MED15: variants seen among roughly 807,000 people sequenced by gnomAD.
MED15 encodes the protein mediator of RNA polymerase II transcription subunit 15.
In MED15, 41 loss-of-function variants were observed where a neutral mutation model predicts 118.7. That is an observed-to-expected ratio of 0.35 (90% CI 0.27 to 0.45). The LOEUF (loss-of-function observed/expected upper bound fraction) is 0.45. Ranked by LOEUF, MED15 falls within the 20% of genes least tolerant of loss-of-function variation. The pLI is 1.00. For synonymous variants in MED15, 436 were observed against 413.9 expected (o/e 1.05, Z -0.65); for missense variants, 740 against 1,025.5 (o/e 0.72, Z 3.80).
At chr22:20,532,004 C>T (rs887186271) in intron 1 of MED15, among the ~76,000 whole-genome samples, 3 of 152,318 alleles carry the variant, frequency 2.0e-5, no homozygotes, top group East Asian at 1.9e-4. Context: ...GGAGCAGGCT[C>T]CTCAGTGGGC....
chr22:20,536,131 C>A (rs1264876020), intron 1 of MED15, among the ~76,000 whole-genome samples: 2 of 152,168 alleles, frequency 1.3e-5, no homozygotes, highest in Non-Finnish European at 2.9e-5. Context: ...CCGCCTCGGC[C>A]TCCCAAAGTG....
At chr22:20,544,382 T>C (rs148996496) in intron 2 of MED15, among the ~76,000 whole-genome samples, 6 of 152,310 alleles carry the variant, frequency 3.9e-5, no homozygotes, top group African/African-American at 1.4e-4. Flanking sequence ...AACAGAAATT[T>C]AGGCCGGGTG....
chr22:20,520,752 T>C (rs1352305368), intron 1 of MED15, among the ~76,000 whole-genome samples: 1 of 152,110 alleles, frequency 6.6e-6, no homozygotes, highest in East Asian at 1.9e-4. Flanking sequence ...GCCATCTTTT[T>C]TTCGAGACAG....
Position 20,575,227 on chromosome 22 carries a change from G to A in MED15, c.1267G>A (p.Ala423Thr). The change falls in exon 9 of 18, where the codon GCA becomes ACA. Residue 423 changes from alanine to threonine, a missense_variant. Ala to Thr is a moderately conservative substitution (Grantham distance 58). Around this residue, in one of 7 missense-constraint regions of MED15, gnomAD observed 384 missense variants for 506.3 expected, o/e 0.76. Coordinates refer to ENST00000263205, the MANE Select transcript of MED15 (RefSeq NM_001003891.3). ...CATCCCTTTGGGCAGACAGCCCATG[G>A]CACAGGTATTTACGGGGCAGCGCCC... ...SSIPLGRQPM[A>T]QVSQSSLPML... is the part of the protein sequence containing the mutation. The A allele has an allele frequency of 6.2e-7, 1 of 1,613,712 alleles. No individual in the cohort carries two copies. The highest frequency in any genetic ancestry group is 8.5e-7 in the Non-Finnish European group (1 of 1,180,032).
Position 20,507,766 on chromosome 22 carries a change from G to A in MED15, c.68+20G>A. ...TCAAATGTGAGTAGTGGTCGGGGCA[G>A]GGGGCTGGATTGTGGGACCTTCCTC... On this transcript the variant is annotated intron_variant, in intron 1 of 17. Transcript: ENST00000263205. 1.2e-6 allele frequency: 2 copies of A among 1,613,946 alleles called. No individual in the cohort carries two copies. The highest frequency in any genetic ancestry group is 1.7e-6 in the Non-Finnish European group (2 of 1,179,908).
chr22:20,540,362 A>G (rs2055248153), intron 2 of MED15, among the ~76,000 whole-genome samples: 1 of 152,180 alleles, frequency 6.6e-6, no homozygotes, highest in East Asian at 1.9e-4. Flanking sequence ...AACTACATAC[A>G]AAATATTGAG....
intron 10 of MED15, 36 bp from the exon 11 acceptor site, chr22:20,582,804 G>A: frequency 6.2e-7 from 1 of 1,603,920 alleles, no homozygotes; most frequent in Non-Finnish European, 8.5e-7. Flanking sequence ...GCCCTGCCTG[G>A]ACCCCGGCTC....
Position 20,585,183 on chromosome 22 carries a change from G to A in MED15, c.2047G>A (p.Ala683Thr). The part of the protein sequence containing the change: ...SIPSVLQGEV[A>T]RLDPKFLVNL... ...CCCCAGTGTGCTCCAGGGTGAGGTG[G>A]CCAGGCTGGACCCCAAGTTCCTGGT... The change falls in exon 16 of 18, where the codon GCC becomes ACC. Residue 683 changes from alanine (A) to threonine (T), a missense_variant. Ala to Thr is a moderately conservative substitution (Grantham distance 58). This residue lies in a region of MED15 where 179 missense variants were observed against 259.0 expected (regional missense o/e 0.69). Coordinates refer to ENST00000263205, the MANE Select transcript of MED15 (RefSeq NM_001003891.3). 6.2e-7 allele frequency: 1 copy of A among 1,613,820 alleles called. No individual in the cohort carries two copies. Among genetic ancestry groups the A allele is most frequent in the East Asian group, 2.2e-5 (1 of 44,888 alleles).
chr22:20,517,448 T>C (rs527529516), intron 1 of MED15, among the ~76,000 whole-genome samples: 1 of 152,202 alleles, frequency 6.6e-6, no homozygotes, highest in Non-Finnish European at 1.5e-5. Context: ...TAAAAGATCC[T>C]TCCTTTTCGT....
chr22:20,566,520 ACAGCAACAGCAGCAG>A lies in MED15; in HGVS notation c.750_764del (p.Gln258_Gln262del), dbSNP rs1569229683. On this transcript the variant is annotated inframe_deletion, in exon 7 of 18. Coordinates refer to ENST00000263205, the MANE Select transcript of MED15 (RefSeq NM_001003891.3). ...GAATAGCACAGCTGCAGCTCCAACA[ACAGCAACAGCAGCAG>A]CAGCAGCAGCAGCAGCAGCAGCAGC... 4.4e-6 allele frequency: 7 copies of A among 1,603,384 alleles called. No homozygotes were observed. The highest frequency in any genetic ancestry group is 1.1e-5 in the South Asian group (1 of 90,408).
chr22:20,583,227 A>G lies in MED15; in HGVS notation c.1652A>G (p.Asn551Ser), dbSNP rs1194849464. 6.2e-7 allele frequency: 1 copy of G among 1,611,768 alleles called. No individual in the cohort carries two copies. Among genetic ancestry groups the G allele is most frequent in the South Asian group, 1.1e-5 (1 of 91,050 alleles). ...ATCGAGCCCCTGCGCCGCATGATCA[A>G]CAAGATCGACAAGAACGAAGGTAGG... ...KYIEPLRRMI[N>S]KIDKNEDRKK... Residue 551 changes from asparagine to serine, a missense_variant, in exon 12 of 18, where the codon AAC (asparagine) becomes AGC (serine). This residue lies in a region of MED15 where 384 missense variants were observed against 506.3 expected (regional missense o/e 0.76). Coordinates refer to ENST00000263205, the MANE Select transcript of MED15 (RefSeq NM_001003891.3).
intron 8 of MED15, chr22:20,574,437 G>A (rs2056761464): frequency 6.6e-6 from 1 of 152,326 alleles, no homozygotes; most frequent in Admixed American, 6.5e-5. Flanking sequence ...TCGCATCCCT[G>A]TGGAGATGAA....
chr22:20,580,065 C>T (rs1482795443), intron 9 of MED15, among the ~76,000 whole-genome samples: 1 of 152,136 alleles, frequency 6.6e-6, no homozygotes, highest in African/African-American at 2.4e-5. Context: ...TGCTCTTGTG[C>T]TCTTGGAAAT....
At chr22:20,563,423 C>T (rs1345027858) in intron 5 of MED15, among the ~76,000 whole-genome samples, 1 of 152,202 alleles carries the variant, frequency 6.6e-6, no homozygotes, top group Non-Finnish European at 1.5e-5. Context: ...AAGGTTCATA[C>T]TGTATGGTTC....
Position 20,568,611 on chromosome 22 carries a change from ATGG to A in MED15, c.1136_1138del (p.Val379del). The A allele has an allele frequency of 6.2e-7, 1 of 1,613,584 alleles. No individual in the cohort carries two copies. The highest frequency in any genetic ancestry group is 8.5e-7 in the Non-Finnish European group (1 of 1,179,972). On this transcript the variant is annotated inframe_deletion, in exon 8 of 18. Transcript: ENST00000263205. ...AGTACAGACAGCTCAGGCTGCCCAG[ATGG>A]TGGCTCCCGGAGTCCAGGTGAGGGC... is the stretch of plus-strand genomic sequence containing the variant.
At position 20,538,440 on chromosome 22, in the gene MED15, A is replaced by T. The variant is rs181447463; in HGVS notation, c.156+1236A>T. Among the ~76,000 whole-genome samples, 7 of 151,172 alleles carry T rather than the reference A, an allele frequency of 4.6e-5. No homozygotes were observed. The East Asian group carries it at 1.2e-3, about 26-fold the overall frequency. ...AAGTTTTTTATTTTTTGTGGAGACG[A>T]GGTCCCACTATGTTGCCCAGGCTAG... On this transcript the variant is annotated intron_variant, in intron 2 of 17. Transcript: ENST00000263205.
In MED15 at chr22:20,555,007, C is replaced by T. The variant is rs201566206; in HGVS notation, c.310C>T (p.Arg104Trp). The change falls in exon 5 of 18, where the codon CGG (arginine) becomes TGG (tryptophan). Residue 104 changes from arginine to tryptophan, a missense_variant. Physicochemically the swap from Arg to Trp is moderately radical, Grantham distance 101. Transcript: ENST00000263205. ...AGCCGCTGGAATTGGCATGCCTCCT[C>T]GGGGCCCGGGACAGTCTCTGGGCGG... Reference protein sequence around the residue: ...AGAAGIGMPPRGPGQSLGGMG... With the variant: ...AGAAGIGMPPWGPGQSLGGMG... 3.3e-5 allele frequency: 53 copies of T among 1,612,192 alleles called. No individual in the cohort carries two copies. The highest frequency in any genetic ancestry group is 4.4e-5 in the Non-Finnish European group (52 of 1,180,010).
chr22:20,551,063 C>A, intron 2 of MED15: 1 of 501,502 alleles, frequency 2.0e-6, no homozygotes, highest in Non-Finnish European at 4.0e-6. Context: ...CCACGGCTGC[C>A]TCTGACAGGC....
rs757825499 is a variant in MED15 at position 20,586,596 on chromosome 22, C to G, written c.2259C>G (p.His753Gln). The change falls in exon 18 of 18, where the codon CAC becomes CAG. Residue 753 changes from histidine (H) to glutamine (Q), a missense_variant. By Grantham distance (24) the His-to-Gln change is conservative (BLOSUM62 0). This residue lies in a region of MED15 where 179 missense variants were observed against 259.0 expected (regional missense o/e 0.69). Coordinates refer to ENST00000263205, the MANE Select transcript of MED15 (RefSeq NM_001003891.3). ...CCAACCCCTTCCTCCAGTCGGTGCA[C>G]CGCTGCATGACCTCCAGGCTGCTGC... is the stretch of plus-strand genomic sequence containing the variant. Reference protein sequence around the residue: ...YDANPFLQSVHRCMTSRLLQL... With the variant: ...YDANPFLQSVQRCMTSRLLQL... 2 of 1,612,880 alleles carry G rather than the reference C, an allele frequency of 1.2e-6. No homozygotes were observed. The highest frequency in any genetic ancestry group is 2.7e-5 in the African/African-American group (2 of 74,926).
Sources: allele counts gnomAD v4.1 joint callset (sites outside exome capture counted in the v4.1 genomes callset), GRCh38; gene constraint gnomAD v4.1.1; regional missense constraint gnomAD v4.1.1; transcripts MANE v1.5; gene names NCBI Gene and HGNC (gene_info 2026-07-23, HGNC 2026-07-21).